GLDN: variants seen among roughly 807,000 people sequenced by gnomAD.
GLDN encodes collomin.
A neutral mutation model predicts 56.5 loss-of-function variants in GLDN; 47 were observed. The ratio of observed to expected loss-of-function variants is 0.83; its 90% CI spans 0.66 to 1.06. GLDN has a LOEUF of 1.06. GLDN is among the 50% of genes least tolerant of loss of function. The pLI, the probability that GLDN is intolerant of heterozygous loss-of-function variation, is 0.00. For synonymous variants in GLDN, 332 were observed against 278.8 expected (o/e 1.19, Z -1.90); for missense variants, 782 against 714.3 (o/e 1.09, Z -1.08).
intron 1 of GLDN, among the ~76,000 whole-genome samples, chr15:51,370,734 G>A (rs2037499109): frequency 1.3e-5 from 2 of 152,152 alleles, no homozygotes; most frequent in South Asian, 4.1e-4. Context: ...GCTCACGCCT[G>A]TAATCCCAGC....
chr15:51,401,770 C>T (rs370957260), intron 9 of GLDN, 27 bp downstream of exon 9: 17 of 1,604,268 alleles, frequency 1.1e-5, no homozygotes, highest in Admixed American at 1.0e-4. Context: ...CACCTTCTCA[C>T]GCCTCTCAGG....
chr15:51,384,201 T>C (rs116167754), intron 4 of GLDN: 4,042 of 373,356 alleles, frequency 0.011, 152 homozygotes, highest in African/African-American at 0.081. Context: ...CTGTGGGCCG[T>C]GTGACAGCTG....
At chr15:51,401,169 G>A (rs949136098) in intron 8 of GLDN, among the ~76,000 whole-genome samples, 5 of 152,174 alleles carry the variant, frequency 3.3e-5, no homozygotes, top group African/African-American at 4.8e-5. Context: ...ACCAGGATTC[G>A]GGGACTCAAA....
In GLDN at chr15:51,404,724, G is replaced by A; in HGVS notation, c.1626G>A (p.Val542=). 6.2e-7 allele frequency: 1 copy of A among 1,604,182 alleles called. No homozygotes were observed. The highest frequency in any genetic ancestry group is 1.3e-5 in the African/African-American group (1 of 74,786). ...ATGGCCATTTAATGCTTTATCCTGT[G>A]CAGTTTTTGTCAACTACCTTAAATC... ...WEDGHLMLYP[V]QFLSTTLNQ is the part of the protein sequence containing the mutation. Residue 542 remains valine, a synonymous_variant, in exon 10 of 10, where the codon GTG becomes GTA. Coordinates refer to ENST00000335449, the MANE Select transcript of GLDN (RefSeq NM_181789.4).
At chr15:51,374,558 C>G (rs558935600) in intron 1 of GLDN, among the ~76,000 whole-genome samples, 32 of 152,204 alleles carry the variant, frequency 2.1e-4, no homozygotes, top group African/African-American at 7.5e-4. Context: ...CTCTAAGCCT[C>G]TATTTTCTTA....
At chr15:51,342,946 TAA>T (rs2036912908) in intron 1 of GLDN, among the ~76,000 whole-genome samples, 1 of 152,252 alleles carries the variant, frequency 6.6e-6, no homozygotes, top group African/African-American at 2.4e-5. Flanking sequence ...TTTCCAGTGT[TAA>T]GTTTCTTTGC....
intron 4 of GLDN, among the ~76,000 whole-genome samples, chr15:51,387,360 C>G (rs879312052): frequency 3.9e-5 from 6 of 152,180 alleles, no homozygotes; most frequent in Non-Finnish European, 8.8e-5. Context: ...CCTACCATCT[C>G]AACATGAGAT....
At chr15:51,372,025 G>A (rs1229299085) in intron 1 of GLDN, among the ~76,000 whole-genome samples, 1 of 152,174 alleles carries the variant, frequency 6.6e-6, no homozygotes, top group African/African-American at 2.4e-5. Context: ...GAGAAGTCTA[G>A]GGTTGATGGG....
chr15:51,374,262 T>G (rs1223319096), intron 1 of GLDN, among the ~76,000 whole-genome samples: 1 of 152,248 alleles, frequency 6.6e-6, no homozygotes, highest in Non-Finnish European at 1.5e-5. Context: ...CCTTCTGCTG[T>G]GATCCCCCAG....
Position 51,400,244 on chromosome 15 carries a change from G to C in GLDN, c.870G>C (p.Glu290Asp), listed in dbSNP as rs772793624. 2.5e-6 allele frequency: 4 copies of C among 1,614,090 alleles called. No individual in the cohort carries two copies. The highest frequency in any genetic ancestry group is 3.4e-6 in the Non-Finnish European group (4 of 1,180,040). ...ATACCTTGGTTGGAAAAGCTGATGA[G>C]AAAGCCAGTGAACACCATTCCCCAC... ...NDDTLVGKAD[E>D]KASEHHSPQA... The change falls in exon 7 of 10, where the codon GAG becomes GAC. Residue 290 changes from glutamate (E) to aspartate (D), a missense_variant. Physicochemically the swap from Glu to Asp is conservative, Grantham distance 45. Transcript: ENST00000335449.
intron 1 of GLDN, among the ~76,000 whole-genome samples, chr15:51,354,859 A>G (rs2037144389): frequency 6.6e-6 from 1 of 152,252 alleles, no homozygotes; most frequent in Non-Finnish European, 1.5e-5. Context: ...GCAATGCAGG[A>G]AAGACTGGAA....
intron 1 of GLDN, among the ~76,000 whole-genome samples, chr15:51,365,158 T>C (rs1012411907): frequency 6.6e-6 from 1 of 152,246 alleles, no homozygotes; most frequent in East Asian, 1.9e-4. Flanking sequence ...AGCCCAACTC[T>C]TGATGGATTG....
At chr15:51,393,213 G>A (rs191854248) in intron 4 of GLDN, among the ~76,000 whole-genome samples, 15 of 152,256 alleles carry the variant, frequency 9.9e-5, no homozygotes, top group Admixed American at 9.2e-4. Context: ...AATATGCTGA[G>A]TTACATGAAC....
intron 1 of GLDN, among the ~76,000 whole-genome samples, chr15:51,355,379 A>G (rs2037154660): frequency 6.6e-6 from 1 of 152,158 alleles, no homozygotes; most frequent in Admixed American, 6.5e-5. Context: ...GTAAACTGTC[A>G]TGGTGCTGGT....
Position 51,341,922 on chromosome 15 carries a change from T to C in GLDN, c.238T>C (p.Ser80Pro), listed in dbSNP as rs955650651. 6 of 1,595,372 alleles carry C rather than the reference T, an allele frequency of 3.8e-6. No homozygotes were observed. Residue 80 changes from serine (S) to proline (P), a missense_variant, in exon 1 of 10, where the codon TCC becomes CCC. Ser to Pro is a moderately conservative substitution (Grantham distance 74). Coordinates refer to ENST00000335449, the MANE Select transcript of GLDN (RefSeq NM_181789.4). ...GTTGAGCCGCGCGCCGCGCGGGGCG[T>C]CCGCACCACCCCAAGACCCGGCCAG... ...AELSRAPRGA[S>P]APPQDPASSA...
chr15:51,373,207 A>G (rs879026580), intron 1 of GLDN, among the ~76,000 whole-genome samples: 3 of 152,210 alleles, frequency 2.0e-5, no homozygotes, highest in Admixed American at 1.3e-4. Flanking sequence ...TAAATATGTA[A>G]GCAAGATAAT....
At chr15:51,367,813 C>T (rs78379448) in intron 1 of GLDN, among the ~76,000 whole-genome samples, 2,193 of 152,270 alleles carry the variant, frequency 0.014, 49 homozygotes, top group African/African-American at 0.05. Flanking sequence ...GGTGCAGCCA[C>T]GCAAGTGCCC....
intron 6 of GLDN, among the ~76,000 whole-genome samples, chr15:51,398,160 G>A (rs1401961025): frequency 6.6e-6 from 1 of 152,234 alleles, no homozygotes; most frequent in Non-Finnish European, 1.5e-5. Flanking sequence ...CCCTCCAGGA[G>A]TAAGTGGCGG....
chr15:51,356,673 C>T (rs1037651562), intron 1 of GLDN, among the ~76,000 whole-genome samples: 13 of 152,258 alleles, frequency 8.5e-5, no homozygotes, highest in South Asian at 2.1e-4. Context: ...GTGTGACCTT[C>T]GGCAGGTCAC....
Sources: allele counts gnomAD v4.1 joint callset (sites outside exome capture counted in the v4.1 genomes callset), GRCh38; gene constraint gnomAD v4.1.1; transcripts MANE v1.5; gene names NCBI Gene and HGNC (gene_info 2026-07-23, HGNC 2026-07-21).